Variants in ITPR3 observed in about 807,000 individuals in gnomAD.
ITPR3 encodes the protein inositol 1,4,5-trisphosphate-gated calcium channel ITPR3.
Under a neutral mutation model 293.2 loss-of-function variants are expected in ITPR3, and 173 were observed. The ratio of observed to expected loss-of-function variants is 0.59; its 90% CI spans 0.52 to 0.67. The LOEUF (loss-of-function observed/expected upper bound fraction) is 0.67. Among genes scored for constraint, ITPR3 ranks in the 30% least tolerant of loss-of-function variants. The pLI, the probability that ITPR3 is intolerant of heterozygous loss-of-function variation, is 0.00. For synonymous variants in ITPR3, 1,295 were observed against 1,444.4 expected, an observed-to-expected ratio of 0.90 and a Z score of 2.35; for missense variants, 2,796 against 3,592.1, an observed-to-expected ratio of 0.78 and a Z score of 5.66.
Position 33,654,187 on chromosome 6 carries a change from G to A in ITPR3, c.161-1579G>A, listed in dbSNP as rs907840857. ...GGAGGCTGAGACAGGAGAATTGCTTGAGCCTGGGAGGTGGAGGTTGCAGTG... is the reference window on the plus strand; with the variant it reads ...GGAGGCTGAGACAGGAGAATTGCTTAAGCCTGGGAGGTGGAGGTTGCAGTG... On this transcript the variant is annotated intron_variant, in intron 2 of 57. Transcript: ENST00000605930. This position sits in a 1 kb window ranked among gnomAD's most constrained non-coding sequence, Gnocchi z 4.1. Among the ~76,000 whole-genome samples, 1 of 152,172 alleles carries A rather than the reference G, an allele frequency of 6.6e-6. No individual in the cohort carries two copies. Among genetic ancestry groups the A allele is most frequent in the African/African-American group, 2.4e-5 (1 of 41,450 alleles).
rs1764696089 is a variant in ITPR3 at position 33,669,282 on chromosome 6, C to T, written c.2189+126C>T. On this transcript the variant is annotated intron_variant, in intron 18 of 57. Coordinates refer to ENST00000605930, the MANE Select transcript of ITPR3 (RefSeq NM_002224.4). ...GGTGGGGCTCCTGCCTCCTCAGAAG[C>T]GGAGTCCCTGCTGTCACTCCCCTGC... 13 of 952,040 alleles carry T rather than the reference C, an allele frequency of 1.4e-5. No individual in the cohort carries two copies. The Admixed American group carries it at 1.6e-4, about 12-fold the overall frequency. The allele number at this position is 952,040 out of a possible 1,614,324, so 59.0% of individuals were successfully genotyped here.
rs1765169094 is a variant in ITPR3, at chr6:33,684,507, G to GA, written c.5046+43dup. On this transcript the variant is annotated intron_variant, in intron 37 of 57. Transcript: ENST00000605930. This position sits in a 1 kb window ranked among gnomAD's most constrained non-coding sequence, Gnocchi z 4.2. ...GGCAAGTGCTGGGTGGGCCAGTCAG[G>GA]AGTACCCAGGGGCTCAGGGTCAAGC... The GA allele has an allele frequency of 6.2e-7, 1 of 1,605,706 alleles. No individual in the cohort carries two copies. The highest frequency in any genetic ancestry group is 8.5e-7 in the Non-Finnish European group (1 of 1,172,590).
Position 33,655,726 on chromosome 6 carries a change from G to C in ITPR3, c.161-40G>C, listed in dbSNP as rs1764289999. 3.1e-6 allele frequency: 5 copies of C among 1,613,006 alleles called. 1 individual carries two copies. The South Asian group carries it at 3.3e-5, about 11-fold the overall frequency. ...TCTCCAGGGAGGGCCCTGAGCCCCAGATGAATCATTCCCCTCACCCCCAAC... is the reference window on the plus strand; with the variant it reads ...TCTCCAGGGAGGGCCCTGAGCCCCACATGAATCATTCCCCTCACCCCCAAC... On this transcript the variant is annotated intron_variant, in intron 2 of 57. Coordinates refer to ENST00000605930, the MANE Select transcript of ITPR3 (RefSeq NM_002224.4). This position sits in a 1 kb window ranked among gnomAD's most constrained non-coding sequence, Gnocchi z 4.9.
intron 2 of ITPR3, among the ~76,000 whole-genome samples, chr6:33,642,028 T>C (rs1387565456): frequency 6.6e-6 from 1 of 152,180 alleles, no homozygotes; most frequent in East Asian, 1.9e-4. Flanking sequence ...TTTTTGTTGT[T>C]GTTGTTTGCT....
At chr6:33,641,205 T>C (rs1763942804) in intron 2 of ITPR3, among the ~76,000 whole-genome samples, 1 of 152,206 alleles carries the variant, frequency 6.6e-6, no homozygotes, top group Non-Finnish European at 1.5e-5. Context: ...ATCCTGGCTG[T>C]CATTATGCCA....
In ITPR3 at chr6:33,692,890, T is replaced by C. The variant is rs373693361; in HGVS notation, c.7621T>C (p.Cys2541Arg). ...GATTCTTAAGACGACATGCTTCATC[T>C]GTGGTGAGGGCTGCTTCCTGCTCTG... is the stretch of plus-strand genomic sequence containing the variant. ...EEILKTTCFI[C>R]GLERDKFDNK... Residue 2541 changes from cysteine to arginine, a missense_variant, in exon 55 of 58, where the codon TGT becomes CGT. Around this residue, in one of 8 missense-constraint regions of ITPR3, gnomAD observed 568 missense variants for 796.1 expected, o/e 0.71. Coordinates refer to ENST00000605930, the MANE Select transcript of ITPR3 (RefSeq NM_002224.4). The surrounding 1 kb of genome is among the most constrained non-coding windows in gnomAD (Gnocchi z 4.2). 3.1e-6 allele frequency: 5 copies of C among 1,613,896 alleles called. No individual in the cohort carries two copies. Among genetic ancestry groups the C allele is most frequent in the Non-Finnish European group, 3.4e-6 (4 of 1,179,940 alleles).
At position 33,677,615 on chromosome 6, in the gene ITPR3, A is replaced by G; in HGVS notation, c.3634A>G (p.Ile1212Val). ...CAAGGTCATGCTGGACCTGCTGCAG[A>G]TCCCCTATGACAAGGTGGCTCTGAC... is the stretch of plus-strand genomic sequence containing the variant. Reference protein sequence around the residue: ...AHKVMLDLLQIPYDKGDAKMM... With the variant: ...AHKVMLDLLQVPYDKGDAKMM... Residue 1212 changes from isoleucine to valine, a missense_variant, in exon 28 of 58, where the codon ATC (isoleucine) becomes GTC (valine). Ile to Val is a conservative substitution (Grantham distance 29). Transcript: ENST00000605930. 2 of 1,613,848 alleles carry G rather than the reference A, an allele frequency of 1.2e-6. No homozygotes were observed. The highest frequency in any genetic ancestry group is 1.7e-6 in the Non-Finnish European group (2 of 1,179,870).
In ITPR3 at chr6:33,666,524, T is replaced by C. The variant is rs1344211072; in HGVS notation, c.1551+548T>C. 6.6e-6 allele frequency among the ~76,000 whole-genome samples: 1 copy of C among 152,012 alleles called. No individual in the cohort carries two copies. Among genetic ancestry groups the C allele is most frequent in the Admixed American group, 6.6e-5 (1 of 15,260 alleles). ...CATTGCCTTACATAACCATAGTACATGATCACACCTAAGAAAATTACAACA... is the reference window on the plus strand; with the variant it reads ...CATTGCCTTACATAACCATAGTACACGATCACACCTAAGAAAATTACAACA... On this transcript the variant is annotated intron_variant, in intron 14 of 57. Coordinates refer to ENST00000605930, the MANE Select transcript of ITPR3 (RefSeq NM_002224.4). This position sits in a 1 kb window ranked among gnomAD's most constrained non-coding sequence, Gnocchi z 5.1.
In ITPR3 at chr6:33,657,994, C is replaced by T. The variant is rs543316860; in HGVS notation, c.345C>T (p.Val115=). ...DTENKKVHGD[V]VKYGSVIQLL... is the part of the protein sequence containing the mutation. Reference sequence around the variant, plus strand: ...AGAACAAGAAGGTGCATGGGGATGTCGTGAAGTATGGCAGTGTGATCCAGG... The same window carrying T: ...AGAACAAGAAGGTGCATGGGGATGTTGTGAAGTATGGCAGTGTGATCCAGG... Residue 115 remains valine, a synonymous_variant, in exon 4 of 58, where the codon GTC becomes GTT. Transcript: ENST00000605930. The T allele has an allele frequency of 6.8e-6, 11 of 1,613,662 alleles. No individual in the cohort carries two copies. Among genetic ancestry groups the T allele is most frequent in the East Asian group, 4.5e-5 (2 of 44,864 alleles).
chr6:33,634,776 A>C (rs1016154347), intron 1 of ITPR3, among the ~76,000 whole-genome samples: 1 of 152,132 alleles, frequency 6.6e-6, no homozygotes, highest in African/African-American at 2.4e-5. Context: ...GGGGTGAGGA[A>C]AAACGCTTTG....
Position 33,693,687 on chromosome 6 carries a change from C to CGTGGCCCAGATGATCAAGGT in ITPR3, c.7771_7785+5dup. 6.2e-7 allele frequency: 1 copy of CGTGGCCCAGATGATCAAGGT among 1,614,154 alleles called. No individual in the cohort carries two copies. On this transcript the variant is annotated frameshift_variant, in exon 56 of 58. Transcript: ENST00000605930. LOFTEE classifies it high-confidence loss of function. Reference sequence around the variant, plus strand: ...CCGACTACACGGGCCCTGAGAGCTACGTGGCCCAGATGATCAAGGTGTGAG... The same window carrying CGTGGCCCAGATGATCAAGGT: ...CCGACTACACGGGCCCTGAGAGCTACGTGGCCCAGATGATCAAGGTGTGGCCCAGATGATCAAGGTGTGAG...
rs1427194599 is a variant in ITPR3 at position 33,687,157 on chromosome 6, T to C, written c.6075+53T>C. ...CGGAACCAGGTGGAGTGTGTTGGGA[T>C]GGGGATGAGGGCCCGGCTGGCCCTA... On this transcript the variant is annotated intron_variant, in intron 44 of 57. Coordinates refer to ENST00000605930, the MANE Select transcript of ITPR3 (RefSeq NM_002224.4). The surrounding 1 kb of genome is among the most constrained non-coding windows in gnomAD (Gnocchi z 5.3). The C allele has an allele frequency of 2.5e-6, 4 of 1,602,062 alleles. No homozygotes were observed. Among genetic ancestry groups the C allele is most frequent in the Non-Finnish European group, 3.4e-6 (4 of 1,169,822 alleles).
rs150819145 is a variant in ITPR3 at position 33,665,931 on chromosome 6, C to T, written c.1506C>T (p.Asn502=). The T allele has an allele frequency of 1.2e-6, 2 of 1,613,914 alleles. No individual in the cohort carries two copies. The highest frequency in any genetic ancestry group is 1.3e-5 in the African/African-American group (1 of 74,934). ...TGGACATCATGGTCACTAAGCCCAACCGGGAACGGCAGAAGCTGATGAGGG... is the reference window on the plus strand; with the variant it reads ...TGGACATCATGGTCACTAAGCCCAATCGGGAACGGCAGAAGCTGATGAGGG... ...NVLDIMVTKP[N]RERQKLMREQ... is the part of the protein sequence containing the mutation. The change falls in exon 14 of 58, where the codon AAC becomes AAT. Residue 502 remains asparagine (N), a synonymous_variant. Transcript: ENST00000605930.
chr6:33,654,391 G>T lies in ITPR3; in HGVS notation c.161-1375G>T, dbSNP rs13220421. Among the ~76,000 whole-genome samples the T allele has an allele frequency of 0.13, 19,240 of 152,240 alleles. 1,633 individuals carry two copies. Among genetic ancestry groups the T allele is most frequent in the Middle Eastern group, 0.21 (62 of 294 alleles). On this transcript the variant is annotated intron_variant, in intron 2 of 57. Transcript: ENST00000605930. The surrounding 1 kb of genome is among the most constrained non-coding windows in gnomAD (Gnocchi z 4.1). ...GAGGGGCCTAGGTGGGGCAGCCCTT[G>T]GTGGCTCCATCTGCTTGTGGAATTG...
chr6:33,684,230 C>T lies in ITPR3; in HGVS notation c.4937+62C>T. On this transcript the variant is annotated intron_variant, in intron 36 of 57. Coordinates refer to ENST00000605930, the MANE Select transcript of ITPR3 (RefSeq NM_002224.4). The surrounding 1 kb of genome is among the most constrained non-coding windows in gnomAD (Gnocchi z 4.2). ...GCAGCGGCAGGGGACAGAGAAGGGC[C>T]CGGTGGGGACTAGACAGGCTCACTG... 1.3e-6 allele frequency: 2 copies of T among 1,599,642 alleles called. No homozygotes were observed. Among genetic ancestry groups the T allele is most frequent in the Non-Finnish European group, 8.5e-7 (1 of 1,172,988 alleles).
At chr6:33,639,921 G>A (rs1763910134) in intron 1 of ITPR3, among the ~76,000 whole-genome samples, 1 of 152,126 alleles carries the variant, frequency 6.6e-6, no homozygotes, top group African/African-American at 2.4e-5. Context: ...ACTGAGACTG[G>A]GAAGGGGTGA....
Position 33,658,858 on chromosome 6 carries a change from T to C in ITPR3, c.528+30T>C. 6.2e-7 allele frequency: 1 copy of C among 1,612,474 alleles called. No homozygotes were observed. The highest frequency in any genetic ancestry group is 8.5e-7 in the Non-Finnish European group (1 of 1,179,062). On this transcript the variant is annotated intron_variant, in intron 5 of 57. Coordinates refer to ENST00000605930, the MANE Select transcript of ITPR3 (RefSeq NM_002224.4). This position sits in a 1 kb window ranked among gnomAD's most constrained non-coding sequence, Gnocchi z 6.1. Reference sequence around the variant, plus strand: ...GGGCAGGGCCAGGGTTGGAGGGGCCTGGTGGAACTCCCGAGGGGCTTCTGT... The same window carrying C: ...GGGCAGGGCCAGGGTTGGAGGGGCCCGGTGGAACTCCCGAGGGGCTTCTGT...
Position 33,695,791 on chromosome 6 carries a change from C to T in ITPR3, c.*11C>T, listed in dbSNP as rs781032975. On this transcript the variant is annotated 3_prime_UTR_variant, in exon 58 of 58. Coordinates refer to ENST00000605930, the MANE Select transcript of ITPR3 (RefSeq NM_002224.4). ...TGCATTAGCCGCTGAGGAGAGCCAC[C>T]GAAGGCCCCAACAGGGGATGCTCAT... is the stretch of plus-strand genomic sequence containing the variant. The T allele has an allele frequency of 2.5e-6, 4 of 1,613,672 alleles. No individual in the cohort carries two copies. The highest frequency in any genetic ancestry group is 4.5e-5 in the East Asian group (2 of 44,876).
At chr6:33,669,304 C>A in intron 18 of ITPR3, 148 bp downstream of exon 18, 2 of 793,206 alleles carry the variant, frequency 2.5e-6, no homozygotes, top group East Asian at 2.7e-5. Flanking sequence ...TGTCACTCCC[C>A]TGCCACGAAG....
Sources: allele counts gnomAD v4.1 joint callset (sites outside exome capture counted in the v4.1 genomes callset), GRCh38; gene constraint gnomAD v4.1.1; regional missense constraint gnomAD v4.1.1; non-coding constraint Gnocchi (gnomAD v3.1); transcripts MANE v1.5; gene names NCBI Gene and HGNC (gene_info 2026-07-23, HGNC 2026-07-21).